The following CTNNA3 variants were observed in gnomAD, a reference collection of about 807,000 sequenced individuals.
The protein encoded by CTNNA3 is catenin alpha-3.
Under a neutral mutation model 95.7 loss-of-function variants are expected in CTNNA3, and 76 were observed. That is an observed-to-expected ratio of 0.79 (90% confidence interval 0.66 to 0.96). The LOEUF is 0.96. Among genes scored for constraint, CTNNA3 ranks in the 40% least tolerant of loss-of-function variants. The pLI, the probability that CTNNA3 is intolerant of heterozygous loss-of-function variation, is 0.00. For missense variants in CTNNA3, 1,191 were observed against 1,089.8 expected (o/e 1.09, Z -1.31); for synonymous variants, 431 against 374.4 (o/e 1.15, Z -1.74).
At chr10:66,360,816 C>CCTTCCTTCCTTCCTTCCTTT (rs1491560905) in intron 12 of CTNNA3, among the ~76,000 whole-genome samples, 1 of 50,274 alleles carries the variant, frequency 2.0e-5, no homozygotes, top group African/African-American at 7.8e-5. Context: ...TTCCTTCCTT[C>CCTTCCTTCCTTCCTTCCTTT]CTTTCTTTCT....
At chr10:66,957,916 T>G (rs925812587) in intron 7 of CTNNA3, among the ~76,000 whole-genome samples, 2 of 152,000 alleles carry the variant, frequency 1.3e-5, no homozygotes, top group Admixed American at 6.6e-5. Flanking sequence ...ATATGAACCC[T>G]ACATATGGCC....
At chr10:66,593,235 T>G (rs1009395208) in intron 10 of CTNNA3, among the ~76,000 whole-genome samples, 4 of 152,080 alleles carry the variant, frequency 2.6e-5, no homozygotes, top group African/African-American at 7.2e-5. Flanking sequence ...CAGGGCAGGG[T>G]GAGAACAGAA....
At chr10:67,362,755 G>T (rs150947249) in intron 5 of CTNNA3, among the ~76,000 whole-genome samples, 125 of 147,980 alleles carry the variant, frequency 8.4e-4, no homozygotes, top group African/African-American at 2.8e-3. Flanking sequence ...GTTCTAGCTA[G>T]AACATTCAGG....
chr10:66,547,536 G>A (rs1842077821), intron 10 of CTNNA3, among the ~76,000 whole-genome samples: 1 of 151,222 alleles, frequency 6.6e-6, no homozygotes, highest in African/African-American at 2.4e-5. Flanking sequence ...TAGAGACGGG[G>A]TTTCACCATG....
intron 11 of CTNNA3, among the ~76,000 whole-genome samples, chr10:66,460,927 C>A (rs1053222806): frequency 6.6e-6 from 1 of 151,922 alleles, no homozygotes; most frequent in East Asian, 1.9e-4. Flanking sequence ...TGGCTTAAAA[C>A]ATTATTCTTG....
intron 1 of CTNNA3, among the ~76,000 whole-genome samples, chr10:67,748,918 T>C (rs954407192): frequency 2.0e-5 from 3 of 152,120 alleles, no homozygotes; most frequent in Non-Finnish European, 4.4e-5. Context: ...CACATGTCTT[T>C]GCACATAATT....
intron 17 of CTNNA3, among the ~76,000 whole-genome samples, chr10:65,959,011 C>G (rs1490125822): frequency 6.6e-6 from 1 of 152,222 alleles, no homozygotes; most frequent in Non-Finnish European, 1.5e-5. Flanking sequence ...CAGAGGCAGG[C>G]AGGCTTCCTT....
intron 7 of CTNNA3, among the ~76,000 whole-genome samples, chr10:66,954,087 T>C (rs1281328350): frequency 6.6e-6 from 1 of 152,180 alleles, no homozygotes; most frequent in Non-Finnish European, 1.5e-5. Context: ...AAAATGCTGG[T>C]CAAAAATAAA....
chr10:67,044,564 A>G (rs767311027), intron 7 of CTNNA3, among the ~76,000 whole-genome samples: 3 of 152,198 alleles, frequency 2.0e-5, no homozygotes, highest in Non-Finnish European at 4.4e-5. Context: ...GCTCATTATA[A>G]GAAGTGATAG....
intron 11 of CTNNA3, among the ~76,000 whole-genome samples, chr10:66,448,571 G>T (rs543206523): frequency 6.6e-6 from 1 of 151,326 alleles, no homozygotes; most frequent in African/African-American, 2.4e-5. Flanking sequence ...GCAAACTCTC[G>T]CAAGGACAAA....
At chr10:66,636,416 T>C (rs1014303861) in intron 9 of CTNNA3, among the ~76,000 whole-genome samples, 1 of 152,026 alleles carries the variant, frequency 6.6e-6, no homozygotes, top group Admixed American at 6.6e-5. Context: ...CTTAGTAATT[T>C]TTTTAAATAT....
intron 11 of CTNNA3, among the ~76,000 whole-genome samples, chr10:66,427,732 G>T (rs11812580): frequency 0.41 from 62,488 of 151,820 alleles, 13,899 homozygotes; most frequent in East Asian, 0.6. Flanking sequence ...AGACCTGCCC[G>T]ACAAGGGCTC....
At chr10:66,335,372 T>C (rs2092382564) in intron 12 of CTNNA3, among the ~76,000 whole-genome samples, 1 of 152,122 alleles carries the variant, frequency 6.6e-6, no homozygotes, top group Non-Finnish European at 1.5e-5. Flanking sequence ...TATCTACCTT[T>C]GGTCTTTGAT....
intron 7 of CTNNA3, among the ~76,000 whole-genome samples, chr10:66,915,711 A>T (rs1564763833): frequency 7.0e-6 from 1 of 143,834 alleles, no homozygotes; most frequent in African/African-American, 2.7e-5. Flanking sequence ...ATATATATAT[A>T]ATATATATAT....
At chr10:66,367,464 A>G (rs1589148466) in intron 12 of CTNNA3, among the ~76,000 whole-genome samples, 1 of 150,132 alleles carries the variant, frequency 6.7e-6, no homozygotes, top group South Asian at 2.1e-4. Context: ...TAGTTGCAAC[A>G]TTACATATAA....
At chr10:67,330,716 T>G (rs556320820) in intron 5 of CTNNA3, among the ~76,000 whole-genome samples, 3 of 149,166 alleles carry the variant, frequency 2.0e-5, no homozygotes, top group Non-Finnish European at 4.5e-5. Context: ...AAAAAAAAGC[T>G]CCTTATTCAT....
At chr10:66,027,199 T>C (rs10996837) in intron 15 of CTNNA3, among the ~76,000 whole-genome samples, 31,128 of 151,990 alleles carry the variant, frequency 0.2, 3,320 homozygotes, top group Admixed American at 0.25. Context: ...GTTCTTGCAG[T>C]TTCAATTTCC....
intron 7 of CTNNA3, among the ~76,000 whole-genome samples, chr10:66,929,935 C>A (rs1411550356): frequency 6.6e-6 from 1 of 152,182 alleles, no homozygotes; most frequent in Non-Finnish European, 1.5e-5. Context: ...TCAGGAACTG[C>A]AACATTGAGG....
chr10:65,953,534 C>T (rs999212134), intron 17 of CTNNA3, among the ~76,000 whole-genome samples: 1 of 152,054 alleles, frequency 6.6e-6, no homozygotes, highest in African/African-American at 2.4e-5. Context: ...ATCCCTCCCC[C>T]CTCCACCCAC....
Sources: allele counts gnomAD v4.1 joint callset (sites outside exome capture counted in the v4.1 genomes callset), GRCh38; gene constraint gnomAD v4.1.1; transcripts MANE v1.5; gene names NCBI Gene and HGNC (gene_info 2026-07-23, HGNC 2026-07-21).